EZR: variants seen among roughly 807,000 people sequenced by gnomAD.
EZR encodes the protein ezrin.
A neutral mutation model predicts 74.8 loss-of-function variants in EZR; 40 were observed. The ratio of observed to expected loss-of-function variants is 0.53; its 90% confidence interval spans 0.42 to 0.70. The LOEUF (loss-of-function observed/expected upper bound fraction) is 0.70. EZR is among the 30% of genes least tolerant of loss of function. The pLI is 0.00. For synonymous variants in EZR, 341 were observed against 283.3 expected, an observed-to-expected ratio of 1.20 and a Z score of -2.05; for missense variants, 678 against 755.8, an observed-to-expected ratio of 0.90 and a Z score of 1.21.
At chr6:158,784,566 A>G in intron 6 of EZR, 78 bp downstream of exon 6, 1 of 1,304,238 alleles carries the variant, frequency 7.7e-7, no homozygotes, top group Middle Eastern at 1.8e-4. Context: ...CCTTTAAAGC[A>G]CTAACTAGAG....
At chr6:158,806,398 TAGAG>T (rs1391586047) in intron 2 of EZR, among the ~76,000 whole-genome samples, 3 of 152,080 alleles carry the variant, frequency 2.0e-5, no homozygotes, top group Non-Finnish European at 4.4e-5. Context: ...TTCATAAAAG[TAGAG>T]AGAATAAGTA....
intron 7 of EZR, among the ~76,000 whole-genome samples, chr6:158,781,041 T>C (rs1352201140): frequency 1.3e-5 from 2 of 152,160 alleles, no homozygotes; most frequent in Non-Finnish European, 2.9e-5. Flanking sequence ...AGTATAAATC[T>C]CTTAGAGCTC....
intron 2 of EZR, 92 bp downstream of exon 2, chr6:158,817,990 T>TC: frequency 7.7e-7 from 1 of 1,303,104 alleles, no homozygotes; most frequent in Admixed American, 1.9e-5. Context: ...AGAACCCTGT[T>TC]CCCCAGGAAC....
chr6:158,798,065 G>T (rs1777109868), intron 2 of EZR, among the ~76,000 whole-genome samples: 1 of 152,202 alleles, frequency 6.6e-6, no homozygotes, highest in African/African-American at 2.4e-5. Flanking sequence ...ATTTCAGAGA[G>T]ACAGAATTTT....
intron 7 of EZR, among the ~76,000 whole-genome samples, chr6:158,782,196 C>T (rs1044201459): frequency 3.3e-5 from 5 of 152,156 alleles, no homozygotes; most frequent in African/African-American, 1.2e-4. Flanking sequence ...AGTATCACCA[C>T]GTGGGCCCCG....
chr6:158,767,588 C>T, intron 12 of EZR, 76 bp from the exon 13 acceptor site: 1 of 1,455,536 alleles, frequency 6.9e-7, no homozygotes, highest in Non-Finnish European at 9.2e-7. Context: ...AGACTGTCAC[C>T]TCCCTCTGTC....
In EZR at chr6:158,810,260, GTTT is replaced by G. The variant is rs1229764486; in HGVS notation, c.12+7819_12+7821del. Reference sequence around the variant, plus strand: ...ACATTTCCTTTGAAACAGCATTACTGTTTGCCTGTAAGTGTTAAGAACGGGTTA... The same window carrying G: ...ACATTTCCTTTGAAACAGCATTACTGGCCTGTAAGTGTTAAGAACGGGTTA... On this transcript the variant is annotated intron_variant, in intron 2 of 13. Transcript: ENST00000367075. Among the ~76,000 whole-genome samples the G allele has an allele frequency of 6.8e-4, 104 of 152,248 alleles. 1 individual carries two copies. In the Middle Eastern group the frequency reaches 0.01, roughly 15 times the overall value.
chr6:158,769,516 C>G (rs369177464), intron 11 of EZR, 98 bp from the exon 12 acceptor site: 4 of 1,264,070 alleles, frequency 3.2e-6, no homozygotes, highest in Non-Finnish European at 4.5e-6. Context: ...CAGTCTCCAA[C>G]GTGACACCTG....
chr6:158,813,098 C>A (rs114701985), intron 2 of EZR, among the ~76,000 whole-genome samples: 2,310 of 152,234 alleles, frequency 0.015, 50 homozygotes, highest in African/African-American at 0.052. Flanking sequence ...TAAAAAACAC[C>A]CAAGAATGGC....
Position 158,769,816 on chromosome 6 carries a change from C to A in EZR, c.1219G>T (p.Ala407Ser), listed in dbSNP as rs370037610. ...TCCTGGCTCTTTATCTGATCCACCG[C>A]CTGTCTCTCCAGCTCCTCCTTAGCC... Reference protein sequence around the residue: ...LRAKEELERQAVDQIKSQEQL... With the variant: ...LRAKEELERQSVDQIKSQEQL... The change falls in exon 11 of 14, where the codon GCG becomes TCG. Residue 407 changes from alanine to serine, a missense_variant. Physicochemically the swap from Ala to Ser is moderately conservative, Grantham distance 99. Around this residue, in one of 3 missense-constraint regions of EZR, gnomAD observed 342 missense variants for 341.2 expected, o/e 1.00. Coordinates refer to ENST00000367075, the MANE Select transcript of EZR (RefSeq NM_001111077.2). 6.2e-7 allele frequency: 1 copy of A among 1,614,046 alleles called. No individual in the cohort carries two copies. Among genetic ancestry groups the A allele is most frequent in the Non-Finnish European group, 8.5e-7 (1 of 1,180,040 alleles).
In EZR at chr6:158,784,529, A is replaced by G. The variant is rs1791515812; in HGVS notation, c.551+115T>C. On this transcript the variant is annotated intron_variant, in intron 6 of 13. Transcript: ENST00000367075. Reference sequence around the variant, plus strand: ...CCCCACTTTTAACTCGGTTCCCTCAAGGTCTTCACAAGGCCTGACACAGAG... The same window carrying G: ...CCCCACTTTTAACTCGGTTCCCTCAGGGTCTTCACAAGGCCTGACACAGAG... The G allele has an allele frequency of 8.0e-6, 7 of 873,446 alleles. No homozygotes were observed. In the South Asian group the frequency reaches 1.0e-4, roughly 13 times the overall value. 54.1% of individuals were successfully genotyped at this position (873,446 alleles called of 1,614,324 possible).
At position 158,785,332 on chromosome 6, in the gene EZR, G is replaced by A; in HGVS notation, c.444C>T (p.Ser148=). ...NKEVHKSGYL[S]SERLIPQRVM... ...ACCTTTGAGGGATCAGCCGCTCAGA[G>A]CTGAGGTACCCAGACTTGTGCACTT... Residue 148 remains serine (S), a synonymous_variant, in exon 5 of 14, where the codon AGC becomes AGT. Coordinates refer to ENST00000367075, the MANE Select transcript of EZR (RefSeq NM_001111077.2). 3 of 1,614,130 alleles carry A rather than the reference G, an allele frequency of 1.9e-6. No individual in the cohort carries two copies. The highest frequency in any genetic ancestry group is 2.5e-6 in the Non-Finnish European group (3 of 1,180,036).
intron 2 of EZR, among the ~76,000 whole-genome samples, chr6:158,807,940 G>C (rs909063662): frequency 6.6e-6 from 1 of 152,188 alleles, no homozygotes; most frequent in Non-Finnish European, 1.5e-5. Flanking sequence ...ACATTAGCAG[G>C]AAATGGGTTC....
Position 158,766,989 on chromosome 6 carries a change from C to T in EZR, c.1686G>A (p.Arg562=), listed in dbSNP as rs2128563260. ...TCTGCCGCAGCGTCTTGTACTTGTCCCGGCCTTGCCTCATGTTCTCGTTGT... is the reference window on the plus strand; with the variant it reads ...TCTGCCGCAGCGTCTTGTACTTGTCTCGGCCTTGCCTCATGTTCTCGTTGT... ...IIHNENMRQG[R]DKYKTLRQIR... The change falls in exon 14 of 14, where the codon CGG becomes CGA. Residue 562 remains arginine (R), a synonymous_variant. Transcript: ENST00000367075. 1 of 1,614,212 alleles carries T rather than the reference C, an allele frequency of 6.2e-7. No homozygotes were observed. Among genetic ancestry groups the T allele is most frequent in the Middle Eastern group, 1.6e-4 (1 of 6,062 alleles).
At chr6:158,790,142 T>C (rs1167493275) in intron 2 of EZR, among the ~76,000 whole-genome samples, 1 of 152,136 alleles carries the variant, frequency 6.6e-6, no homozygotes, top group Non-Finnish European at 1.5e-5. Context: ...ACATCAAAAA[T>C]GGATTATGTA....
At position 158,770,807 on chromosome 6, in the gene EZR, C is replaced by T. The variant is rs567350960; in HGVS notation, c.1047G>A (p.Leu349=). The T allele has an allele frequency of 1.1e-5, 17 of 1,614,242 alleles. No individual in the cohort carries two copies. In the South Asian group the frequency reaches 1.9e-4, roughly 18 times the overall value. ...TCTTCTCCTCATAGTCCTGCAGCCG[C>T]AGCATCAACTCCTCCTTCTCGCGCA... ...QMMREKEELM[L]RLQDYEEKTK... is the part of the protein sequence containing the mutation. The change falls in exon 10 of 14, where the codon CTG becomes CTA. Residue 349 remains leucine, a synonymous_variant. Transcript: ENST00000367075.
intron 2 of EZR, 38 bp downstream of exon 2, chr6:158,818,044 C>G: frequency 6.2e-7 from 1 of 1,606,634 alleles, no homozygotes; most frequent in Middle Eastern, 1.7e-4. Flanking sequence ...CCAATGAAGC[C>G]TCTCCCGTCC....
At chr6:158,787,062 G>T in intron 4 of EZR, 46 bp downstream of exon 4, 1 of 1,483,252 alleles carries the variant, frequency 6.7e-7, no homozygotes, top group South Asian at 1.1e-5. Context: ...CGATGAAGCA[G>T]ACCAACACCC....
chr6:158,796,459 G>A (rs1360716983), intron 2 of EZR, among the ~76,000 whole-genome samples: 1 of 152,230 alleles, frequency 6.6e-6, no homozygotes, highest in Non-Finnish European at 1.5e-5. Flanking sequence ...GGCCAACCCT[G>A]TTCCTCTCCC....
Sources: gnomAD v4.1 joint callset for allele counts (sites outside exome capture counted in the v4.1 genomes callset) on GRCh38, gnomAD v4.1.1 for gene constraint, gnomAD v4.1.1 regional missense constraint, MANE v1.5 for transcripts, NCBI Gene and HGNC (gene_info 2026-07-23, HGNC 2026-07-21) for gene names.